Variants in LDLRAP1 observed in about 807,000 individuals in gnomAD.
The protein encoded by LDLRAP1 is low density lipoprotein receptor adapter protein 1.
LDLRAP1 carries 30 observed loss-of-function variants against 37.8 expected under a neutral mutation model. The ratio of observed to expected loss-of-function variants is 0.79; its 90% CI spans 0.59 to 1.08. The LOEUF (loss-of-function observed/expected upper bound fraction) is 1.08, where lower values mean the gene tolerates loss of function less well. Among genes scored for constraint, LDLRAP1 ranks in the 50% least tolerant of loss-of-function variants. The pLI, the probability that LDLRAP1 is intolerant of heterozygous loss-of-function variation, is 0.00. For synonymous variants in LDLRAP1, 156 were observed against 169.8 expected, an observed-to-expected ratio of 0.92 and a Z score of 0.63; for missense variants, 375 against 401.6, an observed-to-expected ratio of 0.93 and a Z score of 0.57.
rs62619761 is a variant in LDLRAP1, at chr1:25,567,055, G to T, written c.*63G>T. On this transcript the variant is annotated 3_prime_UTR_variant, in exon 9 of 9. Transcript: ENST00000374338. Reference sequence around the variant, plus strand: ...GTGATGGACCAAAGCCACCTGCTGCGGGGGAGCCAGTTCTGGGGCCCGCCT... The same window carrying T: ...GTGATGGACCAAAGCCACCTGCTGCTGGGGAGCCAGTTCTGGGGCCCGCCT... The T allele has an allele frequency of 3.1e-6, 5 of 1,604,600 alleles. No homozygotes were observed. In the African/African-American group the frequency reaches 4.0e-5, roughly 13 times the overall value.
chr1:25,551,499 G>A (rs2044070549), intron 1 of LDLRAP1, among the ~76,000 whole-genome samples: 1 of 152,154 alleles, frequency 6.6e-6, no homozygotes, highest in Admixed American at 6.5e-5. Context: ...TAGAGGTGAT[G>A]GTAATAGCTA....
At chr1:25,570,686 C>T (rs955742625), downstream of LDLRAP1, among the ~76,000 whole-genome samples, 22 of 151,986 alleles carry the variant, frequency 1.4e-4, no homozygotes, top group Non-Finnish European at 2.6e-4. Flanking sequence ...GGTGAAACCC[C>T]GTCTCTACTA....
At chr1:25,585,331 G>GT in the LDLRAP1 span, among the ~76,000 whole-genome samples, 7,424 of 143,298 alleles carry the variant, frequency 0.052, 612 homozygotes, top group African/African-American at 0.17. Context: ...TTTATTTTTT[G>GT]TTTTTTTTTT....
chr1:25,562,637 T>C lies in LDLRAP1; in HGVS notation c.460-7T>C. 6.2e-7 allele frequency: 1 copy of C among 1,613,984 alleles called. No individual in the cohort carries two copies. The highest frequency in any genetic ancestry group is 8.5e-7 in the Non-Finnish European group (1 of 1,179,832). On this transcript the variant is annotated splice_polypyrimidine_tract_variant and splice_region_variant and intron_variant, in intron 4 of 8. Transcript: ENST00000374338. ...CACCCCTCCCCATCCCCACTTCCTG[T>C]TTTCAGGCACAGGCTGTTACCCTCA...
chr1:25,586,365 G>A, the LDLRAP1 span, among the ~76,000 whole-genome samples: 1 of 152,148 alleles, frequency 6.6e-6, no homozygotes, highest in Non-Finnish European at 1.5e-5. This position sits in a 1 kb window ranked among gnomAD's most constrained non-coding sequence, Gnocchi z 4.3. Context: ...GCCTGCCTGA[G>A]AGCTGATTGT....
chr1:25,557,138 C>T lies in LDLRAP1; in HGVS notation c.345-15C>T, dbSNP rs1443014199. 1.9e-6 allele frequency: 3 copies of T among 1,602,636 alleles called. No individual in the cohort carries two copies. Among genetic ancestry groups the T allele is most frequent in the Non-Finnish European group, 2.6e-6 (3 of 1,169,562 alleles). On this transcript the variant is annotated splice_polypyrimidine_tract_variant and intron_variant, in intron 3 of 8. Transcript: ENST00000374338. Reference sequence around the variant, plus strand: ...CCTGTGCCAGGTCTGGTGATGCTTCCTCCTTGCCTTTCAGGATCTCCTATT... The same window carrying T: ...CCTGTGCCAGGTCTGGTGATGCTTCTTCCTTGCCTTTCAGGATCTCCTATT...
rs1013776356 is a variant in LDLRAP1 at position 25,544,428 on chromosome 1, C to T, written c.88+642C>T. On this transcript the variant is annotated intron_variant, in intron 1 of 8. Transcript: ENST00000374338. The surrounding 1 kb of genome is among the most constrained non-coding windows in gnomAD (Gnocchi z 4.8). ...GGCGATCTAGACCCTTACGTCCCTTCCTCTAGCCGGGTCCAGGTGGCAAGC... is the reference window on the plus strand; with the variant it reads ...GGCGATCTAGACCCTTACGTCCCTTTCTCTAGCCGGGTCCAGGTGGCAAGC... Among the ~76,000 whole-genome samples, 4 of 152,216 alleles carry T rather than the reference C, an allele frequency of 2.6e-5. No individual in the cohort carries two copies. The highest frequency in any genetic ancestry group is 6.5e-5 in the Admixed American group (1 of 15,292).
At chr1:25,588,006 A>G in the LDLRAP1 span, among the ~76,000 whole-genome samples, 3 of 152,138 alleles carry the variant, frequency 2.0e-5, no homozygotes, top group Non-Finnish European at 4.4e-5. Flanking sequence ...CCCTGAAACA[A>G]GTGCTGTGTC....
At chr1:25,576,908 G>T in the LDLRAP1 span, among the ~76,000 whole-genome samples, 1 of 152,230 alleles carries the variant, frequency 6.6e-6, no homozygotes, top group East Asian at 1.9e-4. Context: ...ACTAGGAGTG[G>T]CCTGAGACAC....
Position 25,554,035 on chromosome 1 carries a change from GC to G in LDLRAP1, c.204del (p.Ala69ProfsTer20). On this transcript the variant is annotated frameshift_variant, in exon 2 of 9. Coordinates refer to ENST00000374338, the MANE Select transcript of LDLRAP1 (RefSeq NM_015627.3). LOFTEE classifies it high-confidence loss of function. The surrounding 1 kb of genome is among the most constrained non-coding windows in gnomAD (Gnocchi z 5.4). Reference sequence around the variant, plus strand: ...GCAGCCCAAGGGTGAGGAGCTGTCGGCCGCCGCCATCAAGAGGATCGTGGCT... The same window carrying G: ...GCAGCCCAAGGGTGAGGAGCTGTCGGCGCCGCCATCAAGAGGATCGTGGCT... ...VEQPKGEELS[A>X]AAIKRIVATA... 1 of 1,614,058 alleles carries G rather than the reference GC, an allele frequency of 6.2e-7. No homozygotes were observed. The highest frequency in any genetic ancestry group is 8.5e-7 in the Non-Finnish European group (1 of 1,180,018).
chr1:25,575,393 A>G, the LDLRAP1 span, among the ~76,000 whole-genome samples: 1 of 144,980 alleles, frequency 6.9e-6, no homozygotes, highest in African/African-American at 2.5e-5. Flanking sequence ...TGAGACCAGC[A>G]TGAGCAACCT....
the LDLRAP1 span, among the ~76,000 whole-genome samples, chr1:25,584,320 T>C: frequency 2.6e-4 from 40 of 152,160 alleles, no homozygotes; most frequent in Admixed American, 7.2e-4. Context: ...GGTGTCTTCT[T>C]GGTTGGGTCC....
chr1:25,548,933 G>T (rs1279420117), intron 1 of LDLRAP1, among the ~76,000 whole-genome samples: 1 of 152,120 alleles, frequency 6.6e-6, no homozygotes, highest in African/African-American at 2.4e-5. Flanking sequence ...TGGAATTACA[G>T]GCATGAGCCA....
rs1557700383 is a variant in LDLRAP1 at position 25,554,088 on chromosome 1, T to TGG, written c.231+28_231+29dup. The TGG allele has an allele frequency of 6.2e-7, 1 of 1,612,550 alleles. No homozygotes were observed. Among genetic ancestry groups the TGG allele is most frequent in the Non-Finnish European group, 8.5e-7 (1 of 1,179,918 alleles). On this transcript the variant is annotated intron_variant, in intron 2 of 8. Transcript: ENST00000374338. This position sits in a 1 kb window ranked among gnomAD's most constrained non-coding sequence, Gnocchi z 5.4. The stretch of plus-strand genomic sequence containing the variant: ...CAGTGAGCACCCCAGTCAGGAAGGG[T>TGG]GGGGGAACCAGGGACCAAGGACCAG...
chr1:25,587,646 G>A, the LDLRAP1 span, among the ~76,000 whole-genome samples: 4 of 152,188 alleles, frequency 2.6e-5, no homozygotes, highest in African/African-American at 7.2e-5. Context: ...TTCACCGAGC[G>A]GAGCTGTGGA....
rs549799756 is a variant in LDLRAP1, at chr1:25,559,040, T to G, written c.459+1773T>G. Among the ~76,000 whole-genome samples, 425 of 152,208 alleles carry G rather than the reference T, an allele frequency of 2.8e-3. 1 individual carries two copies. The highest frequency in any genetic ancestry group is 9.9e-3 in the African/African-American group (411 of 41,524). On this transcript the variant is annotated intron_variant, in intron 4 of 8. Coordinates refer to ENST00000374338, the MANE Select transcript of LDLRAP1 (RefSeq NM_015627.3). ...CAGGGTTGTTCTGAAAGGCCCCGGG[T>G]TCTTTTGAACACCTTGTTTCTTTCC...
intron 1 of LDLRAP1, among the ~76,000 whole-genome samples, chr1:25,545,871 A>T (rs1321160484): frequency 6.6e-6 from 1 of 152,216 alleles, no homozygotes; most frequent in Non-Finnish European, 1.5e-5. Context: ...TAACTGTTTT[A>T]CAACCTGTTT....
Position 25,555,860 on chromosome 1 carries a change from C to T in LDLRAP1, c.344+888C>T, listed in dbSNP as rs2044185112. 6.6e-6 allele frequency among the ~76,000 whole-genome samples: 1 copy of T among 152,156 alleles called. No homozygotes were observed. Among genetic ancestry groups the T allele is most frequent in the Non-Finnish European group, 1.5e-5 (1 of 68,034 alleles). On this transcript the variant is annotated intron_variant, in intron 3 of 8. Coordinates refer to ENST00000374338, the MANE Select transcript of LDLRAP1 (RefSeq NM_015627.3). The surrounding 1 kb of genome is among the most constrained non-coding windows in gnomAD (Gnocchi z 4.7). ...GGACTCCAATCCTGCTCATTGCCCT[C>T]AAGGAGCTTCCACTCTAGTTGGGTA...
intron 7 of LDLRAP1, 26 bp downstream of exon 7, chr1:25,563,817 C>G: frequency 6.2e-7 from 1 of 1,612,956 alleles, no homozygotes; most frequent in Non-Finnish European, 8.5e-7. Context: ...GCCAGCAGAT[C>G]GGTGATCCTC....
Sources: gnomAD v4.1 joint callset for allele counts (sites outside exome capture counted in the v4.1 genomes callset) on GRCh38, gnomAD v4.1.1 for gene constraint, Gnocchi (gnomAD v3.1) non-coding constraint, MANE v1.5 for transcripts, NCBI Gene and HGNC (gene_info 2026-07-23, HGNC 2026-07-21) for gene names.